Variants in LRRC37A2 observed in about 807,000 individuals in gnomAD.
LRRC37A2 encodes leucine rich repeat containing 37 member A2, also known as leucine-rich repeat-containing protein 37A2.
LRRC37A2 carries 9 observed loss-of-function variants against 68.8 expected under a neutral mutation model. The ratio of observed to expected loss-of-function variants is 0.13; its 90% CI spans 0.08 to 0.23. The LOEUF (loss-of-function observed/expected upper bound fraction) is 0.23. Ranked by LOEUF, LRRC37A2 falls within the 10% of genes least tolerant of loss-of-function variation. The probability of loss-of-function intolerance (pLI) is 1.00; values close to 1 mark genes in which losing one functional copy is unlikely to be tolerated. For missense variants in LRRC37A2, 168 were observed against 950.4 expected, an observed-to-expected ratio of 0.18 and a Z score of 10.82; for synonymous variants, 63 against 367.6, an observed-to-expected ratio of 0.17 and a Z score of 9.48.
At chr17:46,881,646 G>T in the LRRC37A2 span, among the ~76,000 whole-genome samples, 1 of 152,034 alleles carries the variant, frequency 6.6e-6, no homozygotes, top group Non-Finnish European at 1.5e-5. Context: ...AAACAGGCCC[G>T]CAGACCCCTC....
chr17:46,974,901 A>G, the LRRC37A2 span, among the ~76,000 whole-genome samples: 3 of 152,100 alleles, frequency 2.0e-5, no homozygotes, highest in Non-Finnish European at 4.4e-5. Context: ...AGTGTTTGGC[A>G]TATTAGGCAT....
chr17:47,017,790 C>T, the LRRC37A2 span: 82 of 1,609,854 alleles, frequency 5.1e-5, no homozygotes, highest in Admixed American at 8.3e-5. Context: ...TCCAGAACTC[C>T]GGGTGAAGTC....
At chr17:46,969,534 A>T in the LRRC37A2 span, among the ~76,000 whole-genome samples, 1 of 152,174 alleles carries the variant, frequency 6.6e-6, no homozygotes, top group African/African-American at 2.4e-5. Context: ...GAGACCCTAA[A>T]CAACCGTGGA....
chr17:47,030,948 T>G, the LRRC37A2 span, among the ~76,000 whole-genome samples: 2 of 152,036 alleles, frequency 1.3e-5, no homozygotes, highest in African/African-American at 4.8e-5. Context: ...CTTCCAGGCT[T>G]CTCACTTGCA....
chr17:46,803,274 C>A, the LRRC37A2 span, among the ~76,000 whole-genome samples: 1 of 152,224 alleles, frequency 6.6e-6, no homozygotes, highest in Non-Finnish European at 1.5e-5. Context: ...CGGCTCACAC[C>A]TGTAATCCCA....
chr17:46,999,366 T>G, the LRRC37A2 span, among the ~76,000 whole-genome samples: 3 of 152,132 alleles, frequency 2.0e-5, no homozygotes, highest in Admixed American at 2.0e-4. Flanking sequence ...ACAGTTGCTT[T>G]TTTTCTTTGA....
At chr17:46,779,032 T>C in the LRRC37A2 span, among the ~76,000 whole-genome samples, 1 of 130,820 alleles carries the variant, frequency 7.6e-6, no homozygotes, top group African/African-American at 2.9e-5. Flanking sequence ...TTTCTCCAGT[T>C]ATTCCCCGGT....
the LRRC37A2 span, among the ~76,000 whole-genome samples, chr17:46,841,073 G>T: frequency 6.6e-6 from 1 of 152,190 alleles, no homozygotes; most frequent in Admixed American, 6.5e-5. Flanking sequence ...GGAGAATTCA[G>T]GTTGGAAGGC....
chr17:46,846,093 G>C, the LRRC37A2 span, among the ~76,000 whole-genome samples: 1 of 152,146 alleles, frequency 6.6e-6, no homozygotes, highest in Non-Finnish European at 1.5e-5. Context: ...GCCCGGCCAT[G>C]TTATCTGAAA....
At chr17:46,923,154 G>A in the LRRC37A2 span, 10 of 1,364,198 alleles carry the variant, frequency 7.3e-6, no homozygotes, top group Admixed American at 3.9e-5. Context: ...GTGTTCCGAG[G>A]AAGCCAGAGC....
the LRRC37A2 span, among the ~76,000 whole-genome samples, chr17:46,688,239 A>G: frequency 6.6e-6 from 1 of 150,998 alleles, no homozygotes; most frequent in Non-Finnish European, 1.5e-5. Context: ...AGCTGGGCCC[A>G]ATGGCTCACG....
At chr17:46,874,988 A>T in the LRRC37A2 span, 1 of 1,534,796 alleles carries the variant, frequency 6.5e-7, no homozygotes, top group East Asian at 2.2e-5. Flanking sequence ...TGCCCATCAC[A>T]GCGCTGCCAC....
At chr17:46,847,427 T>C in the LRRC37A2 span, among the ~76,000 whole-genome samples, 2 of 152,248 alleles carry the variant, frequency 1.3e-5, no homozygotes, top group East Asian at 1.9e-4. Flanking sequence ...CCAGAGTCAA[T>C]GCTAGTGCAA....
chr17:46,938,673 G>T, the LRRC37A2 span: 21 of 1,613,976 alleles, frequency 1.3e-5, no homozygotes, highest in African/African-American at 2.8e-4. Flanking sequence ...TCATCGAGAA[G>T]CGGGCTTTCC....
chr17:46,721,975 A>G, the LRRC37A2 span: 1 of 1,605,552 alleles, frequency 6.2e-7, no homozygotes, highest in Non-Finnish European at 8.5e-7. Flanking sequence ...GAGGAACGGG[A>G]ACAAAGATTA....
the LRRC37A2 span, among the ~76,000 whole-genome samples, chr17:46,945,584 T>C: frequency 6.6e-6 from 1 of 152,142 alleles, no homozygotes; most frequent in Non-Finnish European, 1.5e-5. Flanking sequence ...TGGTAACTCA[T>C]CAGAGAGGAA....
chr17:46,710,584 C>T, the LRRC37A2 span, among the ~76,000 whole-genome samples: 2 of 152,174 alleles, frequency 1.3e-5, no homozygotes, highest in African/African-American at 4.8e-5. Flanking sequence ...GCATATTTGT[C>T]TATTGCGCTG....
At chr17:46,736,014 G>A in the LRRC37A2 span, among the ~76,000 whole-genome samples, 2 of 152,128 alleles carry the variant, frequency 1.3e-5, no homozygotes, top group Admixed American at 6.6e-5. Flanking sequence ...ACTGAAGAAC[G>A]TATAATAACT....
At chr17:46,978,727 TTGA>T in the LRRC37A2 span, 2 of 1,612,406 alleles carry the variant, frequency 1.2e-6, no homozygotes, top group Non-Finnish European at 1.7e-6. Context: ...GCTCTCGGAC[TTGA>T]TGAGCAGGTT....
Sources: allele counts gnomAD v4.1 joint callset (sites outside exome capture counted in the v4.1 genomes callset), GRCh38; gene constraint gnomAD v4.1.1; transcripts MANE v1.5; gene names NCBI Gene and HGNC (gene_info 2026-07-23, HGNC 2026-07-21).